Variants in DCHS2 observed in about 807,000 individuals in gnomAD.
DCHS2 encodes the protein protocadherin-23.
DCHS2 carries 142 observed loss-of-function variants against 182.4 expected under a neutral mutation model. That is an observed-to-expected ratio of 0.78 (90% CI 0.68 to 0.89). The LOEUF (loss-of-function observed/expected upper bound fraction) is 0.89, where lower values mean the gene tolerates loss of function less well. Among genes scored for constraint, DCHS2 ranks in the 40% least tolerant of loss-of-function variants. The probability of loss-of-function intolerance (pLI) is 0.00; values close to 1 mark genes in which losing one functional copy is unlikely to be tolerated. For synonymous variants in DCHS2, 1,740 were observed against 1,663.3 expected, an observed-to-expected ratio of 1.05 and a Z score of -1.12; for missense variants, 4,319 against 4,198.6, an observed-to-expected ratio of 1.03 and a Z score of -0.79.
chr4:154,245,452 T>C (rs1340130919), intron 16 of DCHS2, among the ~76,000 whole-genome samples: 5 of 152,204 alleles, frequency 3.3e-5, no homozygotes, highest in Non-Finnish European at 4.4e-5. Flanking sequence ...GAAGGATCTC[T>C]TTGATTGTCT....
At chr4:154,365,765 C>T (rs1242746305) in intron 3 of DCHS2, among the ~76,000 whole-genome samples, 1 of 151,976 alleles carries the variant, frequency 6.6e-6, no homozygotes, top group Non-Finnish European at 1.5e-5. Flanking sequence ...TTCTCTGCCT[C>T]AGCCTCCTGA....
At chr4:154,423,905 G>A (rs1462194665) in intron 1 of DCHS2, among the ~76,000 whole-genome samples, 1 of 152,114 alleles carries the variant, frequency 6.6e-6, no homozygotes, top group Non-Finnish European at 1.5e-5. Flanking sequence ...CCTGGGTAAC[G>A]CCAATACTGC....
intron 13 of DCHS2, among the ~76,000 whole-genome samples, chr4:154,271,101 G>C (rs1195303753): frequency 1.3e-5 from 2 of 152,254 alleles, no homozygotes; most frequent in African/African-American, 4.8e-5. Flanking sequence ...GACTGATAGA[G>C]GCAAGAAGAC....
chr4:154,471,306 G>T (rs1735457445), intron 1 of DCHS2, among the ~76,000 whole-genome samples: 1 of 152,070 alleles, frequency 6.6e-6, no homozygotes, highest in Non-Finnish European at 1.5e-5. Context: ...ATATGTTAAG[G>T]TTCATGTGTG....
chr4:154,439,937 A>G (rs1217885970), intron 1 of DCHS2, among the ~76,000 whole-genome samples: 1 of 152,234 alleles, frequency 6.6e-6, no homozygotes. Context: ...TAATTAAAGG[A>G]AACAGTAAAT....
chr4:154,393,334 TCA>T (rs1451803275), intron 1 of DCHS2, among the ~76,000 whole-genome samples: 3 of 152,190 alleles, frequency 2.0e-5, no homozygotes, highest in African/African-American at 7.2e-5. Flanking sequence ...AACTAATCTC[TCA>T]GTGTTCCAAG....
chr4:154,410,272 A>G (rs977019414), intron 1 of DCHS2, among the ~76,000 whole-genome samples: 1 of 152,000 alleles, frequency 6.6e-6, no homozygotes, highest in African/African-American at 2.4e-5. Context: ...AATAAAATCA[A>G]GAAAAAAATT....
At chr4:154,378,008 G>T (rs1730991530) in intron 1 of DCHS2, among the ~76,000 whole-genome samples, 1 of 152,076 alleles carries the variant, frequency 6.6e-6, no homozygotes, top group Admixed American at 6.6e-5. Flanking sequence ...TTTCCTTCTG[G>T]GAGTAATGTC....
At chr4:154,290,144 C>T (rs1004620171) in intron 13 of DCHS2, among the ~76,000 whole-genome samples, 20 of 152,110 alleles carry the variant, frequency 1.3e-4, no homozygotes, top group Non-Finnish European at 1.5e-5. Context: ...ATTGCCATGC[C>T]AGCAGCAAAC....
intron 1 of DCHS2, among the ~76,000 whole-genome samples, chr4:154,488,966 T>C (rs1289881608): frequency 3.3e-5 from 5 of 151,504 alleles, no homozygotes; most frequent in Non-Finnish European, 7.4e-5. Context: ...ATGTGAGACA[T>C]TGTCAGTTGG....
At chr4:154,305,038 G>GTT in intron 11 of DCHS2, 59 bp downstream of exon 11, 1 of 1,510,118 alleles carries the variant, frequency 6.6e-7, no homozygotes. Context: ...CACTTAACAG[G>GTT]TTTTTTTTAA....
chr4:154,417,047 C>G lies in DCHS2; in HGVS notation c.2053-39603G>C, dbSNP rs376265871. 4.6e-5 allele frequency among the ~76,000 whole-genome samples: 7 copies of G among 152,276 alleles called. No individual in the cohort carries two copies. In the East Asian group the frequency reaches 1.4e-3, roughly 29 times the overall value. On this transcript the variant is annotated intron_variant, in intron 1 of 19. Transcript: ENST00000357232. ...GGCACTATTTTACTAGGAGCTGCAA[C>G]TACAACCACAGGATCGCGGCGGGGT...
chr4:154,353,895 T>C (rs1253629158), intron 3 of DCHS2, among the ~76,000 whole-genome samples: 1 of 152,210 alleles, frequency 6.6e-6, no homozygotes, highest in Non-Finnish European at 1.5e-5. Flanking sequence ...CAGTAATTAT[T>C]ATATACTCCA....
Position 154,242,707 on chromosome 4 carries a change from T to C in DCHS2, c.7007A>G (p.Gln2336Arg). 6.2e-7 allele frequency: 1 copy of C among 1,613,256 alleles called. No homozygotes were observed. Among genetic ancestry groups the C allele is most frequent in the East Asian group, 2.2e-5 (1 of 44,820 alleles). Residue 2336 changes from glutamine to arginine, a missense_variant, in exon 17 of 20, where the codon CAG becomes CGG. Coordinates refer to ENST00000357232, the MANE Select transcript of DCHS2 (RefSeq NM_001358235.2). ...GGCATTGTCATTTATATCAGTCACC[T>C]GTACCTTGATTACAGTCGTATTAGA... ...RLSNTTVIKV[Q>R]VTDINDNAPA...
At chr4:154,447,554 A>G (rs1236992701) in intron 1 of DCHS2, among the ~76,000 whole-genome samples, 4 of 152,186 alleles carry the variant, frequency 2.6e-5, no homozygotes, top group African/African-American at 9.7e-5. Context: ...TTGAAAAATC[A>G]CTTTCAAATG....
At chr4:154,442,396 C>G (rs577603948) in intron 1 of DCHS2, among the ~76,000 whole-genome samples, 5 of 152,138 alleles carry the variant, frequency 3.3e-5, no homozygotes, top group African/African-American at 9.6e-5. Flanking sequence ...TCAAACATGC[C>G]CTTCCTGAGT....
At chr4:154,325,557 C>G (rs550603686) in intron 7 of DCHS2, among the ~76,000 whole-genome samples, 1 of 151,910 alleles carries the variant, frequency 6.6e-6, no homozygotes, top group Admixed American at 6.6e-5. Context: ...GCTAAGACAA[C>G]AAAAAGAGAA....
intron 1 of DCHS2, among the ~76,000 whole-genome samples, chr4:154,476,404 C>T (rs536973466): frequency 9.2e-5 from 14 of 152,226 alleles, no homozygotes; most frequent in African/African-American, 1.9e-4. Flanking sequence ...CTGTCTGATA[C>T]GAAATTACAA....
chr4:154,336,238 T>C (rs970048596), intron 3 of DCHS2, among the ~76,000 whole-genome samples: 1 of 152,196 alleles, frequency 6.6e-6, no homozygotes, highest in Non-Finnish European at 1.5e-5. Flanking sequence ...AACTTATTTA[T>C]GGCTAAGTTG....
Sources: allele counts gnomAD v4.1 joint callset (sites outside exome capture counted in the v4.1 genomes callset), GRCh38; gene constraint gnomAD v4.1.1; transcripts MANE v1.5; gene names NCBI Gene and HGNC (gene_info 2026-07-23, HGNC 2026-07-21).